The following ARNT2 variants were observed in gnomAD, a reference collection of about 807,000 sequenced individuals.
ARNT2 encodes the protein aryl hydrocarbon receptor nuclear translocator 2, also known as ARNT protein 2.
Under a neutral mutation model 91.7 loss-of-function variants are expected in ARNT2, and 36 were observed. The ratio of observed to expected loss-of-function variants is 0.39; its 90% CI spans 0.30 to 0.52. ARNT2 has a LOEUF of 0.52. ARNT2 is among the 20% of genes least tolerant of loss of function. ARNT2 has a pLI of 0.72. For synonymous variants in ARNT2, 365 were observed against 347.1 expected, an observed-to-expected ratio of 1.05 and a Z score of -0.57; for missense variants, 775 against 939.3, an observed-to-expected ratio of 0.83 and a Z score of 2.29.
intron 16 of ARNT2, 106 bp from the exon 17 acceptor site, chr15:80,581,132 TG>T: frequency 7.3e-7 from 1 of 1,375,856 alleles, no homozygotes; most frequent in Non-Finnish European, 1.0e-6. Context: ...GGGGAGTCAC[TG>T]TCAACCCAGA....
In ARNT2 at chr15:80,406,527, A is replaced by G. The variant is rs73482986; in HGVS notation, c.31+1981A>G. Among the ~76,000 whole-genome samples the G allele has an allele frequency of 9.2e-3, 1,397 of 152,370 alleles. 17 individuals carry two copies. Among genetic ancestry groups the G allele is most frequent in the African/African-American group, 0.032 (1,326 of 41,594 alleles). The stretch of plus-strand genomic sequence containing the variant: ...ATCCCTGGTGATTTACATAATTTCT[A>G]TGCCAGGACATCATTGTTTAAAACT... On this transcript the variant is annotated intron_variant, in intron 1 of 18. Transcript: ENST00000303329.
In ARNT2 at chr15:80,591,853, C is replaced by A. The variant is rs961223682; in HGVS notation, c.2055+149C>A. 2.5e-5 allele frequency: 32 copies of A among 1,260,894 alleles called. No homozygotes were observed. Among genetic ancestry groups the A allele is most frequent in the Non-Finnish European group, 3.3e-5 (31 of 929,814 alleles). The allele number at this position is 1,260,894 out of a possible 1,614,324, so 78.1% of individuals were successfully genotyped here. On this transcript the variant is annotated intron_variant, in intron 18 of 18. Transcript: ENST00000303329. This position sits in a 1 kb window ranked among gnomAD's most constrained non-coding sequence, Gnocchi z 5.1. ...CTCGAGGGAGTCCAGGAGTAGAAAG[C>A]CCCATCCTACCCAGCCAGAAACGTC...
At chr15:80,526,633 G>A (rs1245587898) in intron 8 of ARNT2, among the ~76,000 whole-genome samples, 1 of 152,198 alleles carries the variant, frequency 6.6e-6, no homozygotes, top group Admixed American at 6.5e-5. Flanking sequence ...GTCAGGAGGA[G>A]GTTCGGGTGT....
chr15:80,426,058 CGAAAA>C (rs142134604), intron 1 of ARNT2, among the ~76,000 whole-genome samples: 122 of 149,768 alleles, frequency 8.1e-4, no homozygotes, highest in African/African-American at 2.4e-3. Context: ...AAGACTGTCT[CGAAAA>C]GAAAAGAAAA....
At chr15:80,430,450 GT>G (rs1895992314) in intron 1 of ARNT2, among the ~76,000 whole-genome samples, 1 of 152,216 alleles carries the variant, frequency 6.6e-6, no homozygotes, top group African/African-American at 2.4e-5. Flanking sequence ...CTAGGTCAAA[GT>G]TCCTCCTATC....
At chr15:80,573,878 G>A (rs1249919575) in intron 12 of ARNT2, among the ~76,000 whole-genome samples, 1 of 152,198 alleles carries the variant, frequency 6.6e-6, no homozygotes, top group Non-Finnish European at 1.5e-5. Flanking sequence ...TAAAGTATTT[G>A]TTCTGCGGTA....
intron 1 of ARNT2, among the ~76,000 whole-genome samples, chr15:80,412,213 G>A (rs1171515576): frequency 6.6e-6 from 1 of 152,180 alleles, no homozygotes; most frequent in Non-Finnish European, 1.5e-5. Context: ...ATGCCAAAAT[G>A]TTTACAAATA....
chr15:80,471,527 C>T (rs900945330), intron 4 of ARNT2, among the ~76,000 whole-genome samples: 5 of 151,984 alleles, frequency 3.3e-5, no homozygotes, highest in Non-Finnish European at 7.4e-5. Flanking sequence ...CATGTGTACC[C>T]CTGAAAAAAG....
rs542247980 is a variant in ARNT2 at position 80,508,353 on chromosome 15, A to G, written c.725+95A>G. On this transcript the variant is annotated intron_variant, in intron 6 of 18. Coordinates refer to ENST00000303329, the MANE Select transcript of ARNT2 (RefSeq NM_014862.4). ...TTGACCAGCTCTGCCGCAGTCACAC[A>G]TGCCAACGTGGGTTCACTCCAGGGA... 878 of 1,221,934 alleles carry G rather than the reference A, an allele frequency of 7.2e-4. 1 individual carries two copies. Among genetic ancestry groups the G allele is most frequent in the Non-Finnish European group, 1.0e-3 (846 of 837,696 alleles). 75.7% of individuals were successfully genotyped at this position (1,221,934 alleles called of 1,614,324 possible).
chr15:80,435,748 C>T (rs755060363), intron 1 of ARNT2, among the ~76,000 whole-genome samples: 1 of 152,124 alleles, frequency 6.6e-6, no homozygotes, highest in African/African-American at 2.4e-5. Flanking sequence ...TGATTTTGCA[C>T]CTGAATAATT....
At chr15:80,541,715 G>C (rs567087960) in intron 8 of ARNT2, among the ~76,000 whole-genome samples, 1 of 152,228 alleles carries the variant, frequency 6.6e-6, no homozygotes, top group Non-Finnish European at 1.5e-5. Context: ...TGTACTGTTA[G>C]AGGATATTGT....
At chr15:80,543,619 A>G (rs796416478) in intron 8 of ARNT2, among the ~76,000 whole-genome samples, 5 of 152,074 alleles carry the variant, frequency 3.3e-5, no homozygotes, top group South Asian at 2.1e-4. Flanking sequence ...GATCACTGAT[A>G]CTCATTTTAT....
chr15:80,453,160 C>T (rs1249399552), intron 2 of ARNT2, among the ~76,000 whole-genome samples: 2 of 152,212 alleles, frequency 1.3e-5, no homozygotes, highest in South Asian at 2.1e-4. Context: ...GATGTGGATC[C>T]TGAGCAGGCA....
At chr15:80,474,819 C>T (rs1441609133) in intron 4 of ARNT2, among the ~76,000 whole-genome samples, 191 bp from the exon 5 acceptor site, 1 of 152,158 alleles carries the variant, frequency 6.6e-6, no homozygotes, top group African/African-American at 2.4e-5. Flanking sequence ...GTAGCTGTAT[C>T]GTAGGGATGG....
intron 17 of ARNT2, among the ~76,000 whole-genome samples, chr15:80,586,840 CAAAAAAA>C (rs10679933): frequency 8.8e-6 from 1 of 113,078 alleles, no homozygotes; most frequent in Admixed American, 9.5e-5. Flanking sequence ...GACTCCATTT[CAAAAAAA>C]AAAAAAAAGG....
intron 1 of ARNT2, among the ~76,000 whole-genome samples, chr15:80,446,316 A>G (rs1182232942): frequency 6.6e-6 from 1 of 152,194 alleles, no homozygotes; most frequent in East Asian, 1.9e-4. Context: ...AATACTTACA[A>G]TAACCGTGTG....
At chr15:80,479,859 C>T (rs1292723025) in intron 5 of ARNT2, among the ~76,000 whole-genome samples, 1 of 152,138 alleles carries the variant, frequency 6.6e-6, no homozygotes. Flanking sequence ...ATGTGAGGTC[C>T]ACCTACCTCA....
chr15:80,515,979 C>T (rs1428676685), intron 8 of ARNT2, among the ~76,000 whole-genome samples: 1 of 151,496 alleles, frequency 6.6e-6, no homozygotes, highest in East Asian at 1.9e-4. Context: ...AAGCGATTCT[C>T]CTGCCTCAGC....
intron 5 of ARNT2, among the ~76,000 whole-genome samples, chr15:80,495,113 T>A (rs1897108557): frequency 6.6e-6 from 1 of 152,102 alleles, no homozygotes; most frequent in Non-Finnish European, 1.5e-5. Flanking sequence ...TGTCTCCTTA[T>A]TCCATGGCCA....
Sources: gnomAD v4.1 joint callset for allele counts (sites outside exome capture counted in the v4.1 genomes callset) on GRCh38, gnomAD v4.1.1 for gene constraint, Gnocchi (gnomAD v3.1) non-coding constraint, MANE v1.5 for transcripts, NCBI Gene and HGNC (gene_info 2026-07-23, HGNC 2026-07-21) for gene names.